CCDC12: variants seen among roughly 807,000 people sequenced by gnomAD.
The protein encoded by CCDC12 is coiled-coil domain-containing protein 12.
In CCDC12, 28 loss-of-function variants were observed where a neutral mutation model predicts 25.7. That is an observed-to-expected ratio of 1.09 (90% CI 0.81 to 1.50). The LOEUF (loss-of-function observed/expected upper bound fraction) is 1.50. CCDC12 is among the 40% of genes most tolerant of loss of function. The pLI is 0.00. For synonymous variants in CCDC12, 75 were observed against 87.7 expected (o/e 0.86, Z 0.81); for missense variants, 198 against 210.0 (o/e 0.94, Z 0.35).
At chr3:46,930,693 C>A (rs2033170515) in intron 2 of CCDC12, among the ~76,000 whole-genome samples, 1 of 152,224 alleles carries the variant, frequency 6.6e-6, no homozygotes, top group South Asian at 2.1e-4. Flanking sequence ...TCACGTGGTC[C>A]TGGCCCCACA....
At chr3:46,973,644 C>G (rs1239834593) in intron 1 of CCDC12, among the ~76,000 whole-genome samples, 2 of 139,528 alleles carry the variant, frequency 1.4e-5, no homozygotes, top group African/African-American at 5.3e-5. Context: ...GATGGAGTCT[C>G]ACTCTGTCGC....
intron 1 of CCDC12, 90 bp downstream of exon 1, chr3:46,976,547 T>C: frequency 3.3e-6 from 5 of 1,494,522 alleles, no homozygotes; most frequent in Non-Finnish European, 1.8e-6. Flanking sequence ...GGCAGCTGTC[T>C]TTCCTTATTA....
chr3:46,922,101 C>A lies in CCDC12; in HGVS notation c.457G>T (p.Ala153Ser). ...TTTTGTTCGGTGGCAGCATCCACTGCAGAGGCTAGGCTGTCTTCCTGGCCT... is the reference window on the plus strand; with the variant it reads ...TTTTGTTCGGTGGCAGCATCCACTGAAGAGGCTAGGCTGTCTTCCTGGCCT... ...LKGQEDSLASAVDAATEQKTC... is the reference protein window; with the variant it reads ...LKGQEDSLASSVDAATEQKTC... The change falls in exon 7 of 7, where the codon GCA becomes TCA. Residue 153 changes from alanine to serine, a missense_variant. Physicochemically the swap from Ala to Ser is moderately conservative, Grantham distance 99. Transcript: ENST00000683445. The A allele has an allele frequency of 6.2e-7, 1 of 1,614,274 alleles. No homozygotes were observed. The highest frequency in any genetic ancestry group is 8.5e-7 in the Non-Finnish European group (1 of 1,180,048).
chr3:46,934,410 A>G (rs2033359235), intron 2 of CCDC12, among the ~76,000 whole-genome samples: 1 of 152,200 alleles, frequency 6.6e-6, no homozygotes, highest in African/African-American at 2.4e-5. Context: ...CTCCCTTTCA[A>G]AAGTTGGAGG....
chr3:46,964,716 T>A (rs1001456600), intron 1 of CCDC12, among the ~76,000 whole-genome samples: 6 of 152,080 alleles, frequency 3.9e-5, no homozygotes, highest in Non-Finnish European at 8.8e-5. Context: ...TTAAGGGCGG[T>A]GCAAGATGTG....
Position 46,921,823 on chromosome 3 carries a change from T to C in CCDC12, c.*234A>G. The stretch of plus-strand genomic sequence containing the variant: ...ATATACAGACATATGTACATCCACA[T>C]GTGCAGACACAGGCACGCCCAGAGT... On this transcript the variant is annotated 3_prime_UTR_variant, in exon 7 of 7. Coordinates refer to ENST00000683445, the MANE Select transcript of CCDC12 (RefSeq NM_001277074.2). 2 of 589,732 alleles carry C rather than the reference T, an allele frequency of 3.4e-6. No homozygotes were observed. The highest frequency in any genetic ancestry group is 5.6e-5 in the East Asian group (2 of 35,576). 36.5% of individuals were successfully genotyped at this position (589,732 alleles called of 1,614,324 possible).
intron 1 of CCDC12, among the ~76,000 whole-genome samples, chr3:46,954,161 TG>T (rs1198831926): frequency 1.3e-5 from 2 of 152,182 alleles, no homozygotes; most frequent in Non-Finnish European, 2.9e-5. Flanking sequence ...TTCCAGGGAC[TG>T]GAACAACCAC....
At chr3:46,947,046 T>C (rs1444673301) in intron 1 of CCDC12, among the ~76,000 whole-genome samples, 2 of 152,200 alleles carry the variant, frequency 1.3e-5, no homozygotes, top group Admixed American at 1.3e-4. Flanking sequence ...CAGGAACTCA[T>C]GGGTACAGAA....
intron 1 of CCDC12, among the ~76,000 whole-genome samples, chr3:46,952,990 C>T (rs2034175237): frequency 6.6e-6 from 1 of 152,144 alleles, no homozygotes. Context: ...CTTTCACATG[C>T]AAATGGTTTC....
At chr3:46,923,566 C>A in intron 4 of CCDC12, 41 bp downstream of exon 4, 1 of 1,589,724 alleles carries the variant, frequency 6.3e-7, no homozygotes, top group Non-Finnish European at 8.6e-7. Context: ...AAACAGGACA[C>A]ACAGAAGCAG....
chr3:46,964,823 G>A (rs1225905723), intron 1 of CCDC12, among the ~76,000 whole-genome samples: 3 of 152,076 alleles, frequency 2.0e-5, no homozygotes, highest in Non-Finnish European at 4.4e-5. Flanking sequence ...GCTGAAGGCC[G>A]CAGGGTCCTC....
chr3:46,946,077 G>T (rs2033892377), intron 1 of CCDC12, among the ~76,000 whole-genome samples: 1 of 152,220 alleles, frequency 6.6e-6, no homozygotes, highest in African/African-American at 2.4e-5. Context: ...TAGTACCACT[G>T]CTAGAAGCAG....
At chr3:46,962,715 C>A (rs908015103) in intron 1 of CCDC12, among the ~76,000 whole-genome samples, 3 of 152,130 alleles carry the variant, frequency 2.0e-5, no homozygotes, top group African/African-American at 7.2e-5. Context: ...GCCTGGCTAA[C>A]ATGAAAAAAA....
intron 1 of CCDC12, among the ~76,000 whole-genome samples, chr3:46,961,872 ACAAATGT>A (rs2034474740): frequency 6.6e-6 from 1 of 152,236 alleles, no homozygotes; most frequent in African/African-American, 2.4e-5. Flanking sequence ...CTTCTAAAAC[ACAAATGT>A]CAAATATCAA....
chr3:46,959,729 G>T (rs1418501782), intron 1 of CCDC12, among the ~76,000 whole-genome samples: 1 of 152,126 alleles, frequency 6.6e-6, no homozygotes, highest in Non-Finnish European at 1.5e-5. Context: ...AGGAAGAAGG[G>T]CCTTCCACAG....
intron 1 of CCDC12, among the ~76,000 whole-genome samples, chr3:46,941,359 G>A (rs2033697018): frequency 2.0e-5 from 3 of 152,110 alleles, no homozygotes; most frequent in South Asian, 4.1e-4. Context: ...TCAGGAGATC[G>A]CAACCATCCT....
chr3:46,936,448 G>C (rs2033445129), intron 2 of CCDC12, among the ~76,000 whole-genome samples: 1 of 152,226 alleles, frequency 6.6e-6, no homozygotes, highest in African/African-American at 2.4e-5. Flanking sequence ...CCCAGCACTA[G>C]CTGGGCAAAC....
chr3:46,966,202 G>A (rs2034634317), intron 1 of CCDC12: 1 of 152,664 alleles, frequency 6.6e-6, no homozygotes, highest in South Asian at 2.1e-4. Context: ...GTGCTCCCAG[G>A]TTGAAAAAAG....
intron 2 of CCDC12, among the ~76,000 whole-genome samples, chr3:46,932,837 G>A (rs1559551148): frequency 6.6e-6 from 1 of 152,228 alleles, no homozygotes; most frequent in Non-Finnish European, 1.5e-5. Flanking sequence ...GCCTCTCAGA[G>A]GCCACCTCTC....
Sources: gnomAD v4.1 joint callset for allele counts (sites outside exome capture counted in the v4.1 genomes callset) on GRCh38, gnomAD v4.1.1 for gene constraint, MANE v1.5 for transcripts, NCBI Gene and HGNC (gene_info 2026-07-23, HGNC 2026-07-21) for gene names.